The following AGO3 variants were observed in gnomAD, a reference collection of about 807,000 sequenced individuals.
The protein encoded by AGO3 is protein argonaute-3.
AGO3 carries 16 observed loss-of-function variants against 105.5 expected under a neutral mutation model. The observed-to-expected ratio is 0.15, with a 90% CI of 0.10 to 0.23. The LOEUF is 0.23. Ranked by LOEUF, AGO3 falls within the 10% of genes least tolerant of loss-of-function variation. AGO3 has a pLI of 1.00. For missense variants in AGO3, 534 were observed against 1,088.0 expected, an observed-to-expected ratio of 0.49 and a Z score of 7.16; for synonymous variants, 340 against 367.3, an observed-to-expected ratio of 0.93 and a Z score of 0.85.
At chr1:35,939,954 CATG>C (rs1317775244) in intron 1 of AGO3, among the ~76,000 whole-genome samples, 1 of 152,030 alleles carries the variant, frequency 6.6e-6, no homozygotes, top group African/African-American at 2.4e-5. Flanking sequence ...GTTATGGACT[CATG>C]ATATAGTACC....
At chr1:35,975,957 CT>C (rs1022872778) in intron 5 of AGO3, among the ~76,000 whole-genome samples, 1 of 133,238 alleles carries the variant, frequency 7.5e-6, no homozygotes, top group African/African-American at 2.8e-5. Context: ...TTTTTTCTTT[CT>C]TTTTTTTGAG....
rs780748776 is a variant in AGO3 at position 36,034,249 on chromosome 1, C to T, written c.1667C>T (p.Thr556Ile). The change falls in exon 13 of 19, where the codon ACA (threonine) becomes ATA (isoleucine). Residue 556 changes from threonine to isoleucine, a missense_variant. Physicochemically the swap from Thr to Ile is moderately conservative, Grantham distance 89. Coordinates refer to ENST00000373191, the MANE Select transcript of AGO3 (RefSeq NM_024852.4). The stretch of plus-strand genomic sequence containing the variant: ...GTTCAAGTCAAGAATGTAATAAAAA[C>T]ATCTCCTCAAACTCTGTCAAACTTG... ...QCVQVKNVIK[T>I]SPQTLSNLCL... 1.9e-6 allele frequency: 3 copies of T among 1,610,768 alleles called. No individual in the cohort carries two copies. Among genetic ancestry groups the T allele is most frequent in the Admixed American group, 1.7e-5 (1 of 59,482 alleles).
intron 2 of AGO3, among the ~76,000 whole-genome samples, chr1:35,965,307 T>C (rs1333079925): frequency 6.6e-6 from 1 of 151,788 alleles, no homozygotes; most frequent in African/African-American, 2.4e-5. Flanking sequence ...CTGGCCAACA[T>C]GGTGAAACCC....
chr1:35,947,988 T>A (rs1646398143), intron 2 of AGO3, among the ~76,000 whole-genome samples: 1 of 152,184 alleles, frequency 6.6e-6, no homozygotes, highest in East Asian at 1.9e-4. Context: ...GCCCAGGAGT[T>A]AAGGCTGCAG....
chr1:35,968,731 G>A (rs1204300350), intron 3 of AGO3, among the ~76,000 whole-genome samples: 2 of 152,020 alleles, frequency 1.3e-5, no homozygotes, highest in African/African-American at 4.8e-5. Flanking sequence ...CTCTGCTTTC[G>A]GTTCTTTGGA....
At chr1:36,046,134 G>A (rs1485212914) in intron 17 of AGO3, among the ~76,000 whole-genome samples, 1 of 152,124 alleles carries the variant, frequency 6.6e-6, no homozygotes. Context: ...TTGGGGAGTT[G>A]CCTGGAGTCC....
intron 2 of AGO3, among the ~76,000 whole-genome samples, chr1:35,959,453 T>G (rs898832536): frequency 1.2e-4 from 19 of 152,320 alleles, no homozygotes; most frequent in Middle Eastern, 6.8e-3. Context: ...ACTAAGGTTA[T>G]TAGTGAAAGG....
At chr1:35,972,496 A>G (rs1181727316) in intron 4 of AGO3, among the ~76,000 whole-genome samples, 1 of 152,194 alleles carries the variant, frequency 6.6e-6, no homozygotes, top group East Asian at 1.9e-4. Flanking sequence ...TTAGGATCTA[A>G]AAGTCTTAAC....
intron 5 of AGO3, among the ~76,000 whole-genome samples, chr1:35,988,172 T>C (rs1276470985): frequency 6.6e-6 from 1 of 152,218 alleles, no homozygotes; most frequent in African/African-American, 2.4e-5. Context: ...TATTCAGGTA[T>C]GATTAACAAG....
rs1261093398 is a variant in AGO3 at position 35,952,136 on chromosome 1, CTTTCTTTCTTTCTTTTT to C, written c.191+6277_191+6293del. Among the ~76,000 whole-genome samples, 196 of 111,506 alleles carry C rather than the reference CTTTCTTTCTTTCTTTTT, an allele frequency of 1.8e-3. 6 individuals carry two copies. The highest frequency in any genetic ancestry group is 5.5e-3 in the African/African-American group (123 of 22,568). The allele number at this position is 111,506 out of a possible 152,430, so 73.2% of individuals were successfully genotyped here. The stretch of plus-strand genomic sequence containing the variant: ...TCTTTCTTTCTTTCTTTCTTTCTTT[CTTTCTTTCTTTCTTTTT>C]TTTTTTTTTTTTTGACAGAGTCTCG... On this transcript the variant is annotated intron_variant, in intron 2 of 18. Coordinates refer to ENST00000373191, the MANE Select transcript of AGO3 (RefSeq NM_024852.4).
intron 6 of AGO3, chr1:36,005,758 C>T (rs1289581244): frequency 1.1e-5 from 11 of 985,138 alleles, no homozygotes; most frequent in Non-Finnish European, 1.3e-5. Flanking sequence ...AACTGCTGCC[C>T]GAAGAGCATG....
At position 35,945,857 on chromosome 1, in the gene AGO3, T is replaced by C. The variant is rs749863232; in HGVS notation, c.185T>C (p.Val62Ala). Residue 62 changes from valine to alanine, a missense_variant, in exon 2 of 19, where the codon GTG (valine) becomes GCG (alanine). Physicochemically the swap from Val to Ala is moderately conservative, Grantham distance 64. This residue lies in a region of AGO3 where 161 missense variants were observed against 234.0 expected (regional missense o/e 0.69). Transcript: ENST00000373191. ...AAACCAGACAAGTGTCCTAGGAGAG[T>C]GAACAGGTAAGAATCATGAAACTGC... The part of the protein sequence containing the change: ...DIKPDKCPRR[V>A]NREVVDSMVQ... 3.7e-6 allele frequency: 6 copies of C among 1,612,078 alleles called. No individual in the cohort carries two copies. Among genetic ancestry groups the C allele is most frequent in the Non-Finnish European group, 5.1e-6 (6 of 1,179,162 alleles).
intron 17 of AGO3, among the ~76,000 whole-genome samples, chr1:36,045,995 T>A (rs779477614): frequency 6.6e-6 from 1 of 152,062 alleles, no homozygotes; most frequent in Non-Finnish European, 1.5e-5. Flanking sequence ...CAAATCAGGA[T>A]CAGCTGGGAA....
In AGO3 at chr1:36,068,829, G is replaced by A. The variant is rs1643126678; in HGVS notation, c.*13084G>A. Reference sequence around the variant, plus strand: ...TAAAAATAGTTTAAAACTCATCCCAGTTCCTAGTCAAGCGTGGGCTATAAG... The same window carrying A: ...TAAAAATAGTTTAAAACTCATCCCAATTCCTAGTCAAGCGTGGGCTATAAG... On this transcript the variant is annotated 3_prime_UTR_variant, in exon 19 of 19. Transcript: ENST00000373191. The A allele has an allele frequency of 6.6e-6, 1 of 152,220 alleles. No individual in the cohort carries two copies. The highest frequency in any genetic ancestry group is 1.5e-5 in the Non-Finnish European group (1 of 68,050). The allele number at this position is 152,220 out of a possible 1,614,324, so 9.4% of individuals were successfully genotyped here. A position where few individuals can be genotyped will look rare whatever the true frequency, so the allele number is the denominator to read the frequency against.
chr1:35,970,432 A>G (rs2148773021), intron 3 of AGO3, among the ~76,000 whole-genome samples: 1 of 152,226 alleles, frequency 6.6e-6, no homozygotes, highest in East Asian at 1.9e-4. Flanking sequence ...GCTCCTCAAA[A>G]CATCACCACT....
At chr1:35,995,865 A>C (rs1274744671) in intron 5 of AGO3, among the ~76,000 whole-genome samples, 3 of 152,120 alleles carry the variant, frequency 2.0e-5, no homozygotes, top group African/African-American at 7.2e-5. Flanking sequence ...TTTAGTAGAG[A>C]CGAGGTTTTA....
At position 36,027,344 on chromosome 1, in the gene AGO3, C is replaced by G. The variant is rs866300082; in HGVS notation, c.1591+46C>G. The G allele has an allele frequency of 2.0e-6, 3 of 1,500,262 alleles. No individual in the cohort carries two copies. The highest frequency in any genetic ancestry group is 1.4e-5 in the African/African-American group (1 of 71,886). The allele number at this position is 1,500,262 out of a possible 1,614,324, so 92.9% of individuals were successfully genotyped here. A position where few individuals can be genotyped will look rare whatever the true frequency, so the allele number is the denominator to read the frequency against. On this transcript the variant is annotated intron_variant, in intron 12 of 18. Coordinates refer to ENST00000373191, the MANE Select transcript of AGO3 (RefSeq NM_024852.4). This position sits in a 1 kb window ranked among gnomAD's most constrained non-coding sequence, Gnocchi z 4.0. ...CATTTTTCCTCAAGTACTTGATGTC[C>G]TTTTAGGATTATACTGAAACATATC...
At chr1:36,034,538 T>C (rs759341098) in intron 13 of AGO3, among the ~76,000 whole-genome samples, 1 of 152,174 alleles carries the variant, frequency 6.6e-6, no homozygotes, top group Non-Finnish European at 1.5e-5. Context: ...CACAATTTTA[T>C]TTTATCTTAT....
intron 8 of AGO3, 39 bp from the exon 9 acceptor site, chr1:36,009,436 G>A: frequency 6.4e-7 from 1 of 1,558,450 alleles, no homozygotes; most frequent in South Asian, 1.2e-5. Flanking sequence ...AAAAAAAAAA[G>A]ATATATACAT....
Sources: allele counts gnomAD v4.1 joint callset (sites outside exome capture counted in the v4.1 genomes callset), GRCh38; gene constraint gnomAD v4.1.1; regional missense constraint gnomAD v4.1.1; non-coding constraint Gnocchi (gnomAD v3.1); transcripts MANE v1.5; gene names NCBI Gene and HGNC (gene_info 2026-07-23, HGNC 2026-07-21).